Variants in CELF2 observed in about 807,000 individuals in gnomAD.
The protein encoded by CELF2 is CUG triplet repeat RNA-binding protein 2.
Under a neutral mutation model 62.6 loss-of-function variants are expected in CELF2, and 8 were observed. The observed-to-expected ratio is 0.13, with a 90% CI of 0.07 to 0.23. The LOEUF is 0.23. CELF2 is among the 10% of genes least tolerant of loss of function. The pLI is 1.00. For missense variants in CELF2, 333 were observed against 671.0 expected (o/e 0.50, Z 5.56); for synonymous variants, 258 against 250.0 (o/e 1.03, Z -0.30).
At chr10:10,525,937 C>G in the CELF2 span, among the ~76,000 whole-genome samples, 3 of 152,166 alleles carry the variant, frequency 2.0e-5, no homozygotes, top group African/African-American at 7.2e-5. Flanking sequence ...GTTTACATCC[C>G]CACCAACCAT....
chr10:10,988,568 A>G (rs1183484964), intron 2 of CELF2, among the ~76,000 whole-genome samples: 1 of 152,090 alleles, frequency 6.6e-6, no homozygotes, highest in Non-Finnish European at 1.5e-5. Flanking sequence ...TACAGTGTAG[A>G]CTGCTTGGAT....
chr10:10,875,214 CAGA>C (rs1591440447), intron 1 of CELF2, among the ~76,000 whole-genome samples: 1 of 152,282 alleles, frequency 6.6e-6, no homozygotes, highest in East Asian at 1.9e-4. Context: ...CAATTCCCAG[CAGA>C]AGTATAATTC....
intron 1 of CELF2, among the ~76,000 whole-genome samples, chr10:11,138,490 T>C (rs921457279): frequency 1.3e-5 from 2 of 152,224 alleles, no homozygotes; most frequent in Non-Finnish European, 1.5e-5. Flanking sequence ...GACAGACTTA[T>C]TTTATTCATT....
the CELF2 span, among the ~76,000 whole-genome samples, chr10:10,653,169 C>A: frequency 0.44 from 67,034 of 151,838 alleles, 15,190 homozygotes; most frequent in South Asian, 0.71. Context: ...AGAGCTAACT[C>A]TCCTAAATAT....
intron 2 of CELF2, among the ~76,000 whole-genome samples, chr10:10,979,947 GA>G (rs1300323677): frequency 2.6e-5 from 4 of 152,176 alleles, no homozygotes; most frequent in Non-Finnish European, 5.9e-5. Context: ...TTTATTTTAA[GA>G]AAGTCAAGGG....
chr10:11,171,322 C>A (rs927350963), intron 2 of CELF2: 1 of 152,204 alleles, frequency 6.6e-6, no homozygotes, highest in Non-Finnish European at 1.5e-5. Context: ...TCAGCCTCGT[C>A]TTGGTCAGGC....
At chr10:11,212,330 T>A (rs1412316470) in intron 2 of CELF2, among the ~76,000 whole-genome samples, 1 of 152,164 alleles carries the variant, frequency 6.6e-6, no homozygotes, top group Non-Finnish European at 1.5e-5. Context: ...AGATGCTCCC[T>A]GTGAGGCCCC....
the CELF2 span, among the ~76,000 whole-genome samples, chr10:10,746,684 G>A: frequency 1.3e-5 from 2 of 152,134 alleles, no homozygotes; most frequent in African/African-American, 2.4e-5. Context: ...TAGTCTCATA[G>A]ACGTAAAATC....
the CELF2 span, among the ~76,000 whole-genome samples, chr10:10,766,179 G>A: frequency 1.3e-5 from 2 of 152,188 alleles, no homozygotes; most frequent in Admixed American, 1.3e-4. Context: ...GGTGATGGAT[G>A]GTGAGAGGAG....
chr10:10,623,274 ATGT>A, the CELF2 span, among the ~76,000 whole-genome samples: 1 of 152,148 alleles, frequency 6.6e-6, no homozygotes, highest in Non-Finnish European at 1.5e-5. Context: ...AGAGCAGCGA[ATGT>A]GGGTAATCTG....
the CELF2 span, among the ~76,000 whole-genome samples, chr10:10,488,852 T>C: frequency 1.3e-5 from 2 of 152,086 alleles, no homozygotes; most frequent in Non-Finnish European, 2.9e-5. Context: ...AAAAACCGTA[T>C]AACCAATGCA....
At chr10:11,144,914 A>AAAAAAAAAAAAAAAG in intron 1 of CELF2, among the ~76,000 whole-genome samples, 1 of 149,988 alleles carries the variant, frequency 6.7e-6, no homozygotes, top group Non-Finnish European at 1.5e-5. Flanking sequence ...AAAAAAAAAA[A>AAAAAAAAAAAAAAAG]AAAAAAAAAG....
At chr10:10,590,141 G>A in the CELF2 span, among the ~76,000 whole-genome samples, 3 of 152,174 alleles carry the variant, frequency 2.0e-5, no homozygotes, top group Non-Finnish European at 1.5e-5. Flanking sequence ...TAGCAGGCAT[G>A]TGAGTGCACA....
At chr10:10,514,107 A>G in the CELF2 span, among the ~76,000 whole-genome samples, 2 of 152,232 alleles carry the variant, frequency 1.3e-5, no homozygotes, top group African/African-American at 4.8e-5. Flanking sequence ...TTTGCTAAGC[A>G]CACAGAACTC....
At chr10:10,738,837 G>A in the CELF2 span, among the ~76,000 whole-genome samples, 43 of 152,118 alleles carry the variant, frequency 2.8e-4, no homozygotes, top group Middle Eastern at 3.4e-3. Context: ...AAGAACATTC[G>A]GTAAAAACTA....
rs1387929698 is a variant in CELF2, at chr10:11,011,740, A to G, written c.53+6300A>G. On this transcript the variant is annotated intron_variant, in intron 1 of 12. Transcript: ENST00000416382. The surrounding 1 kb of genome is among the most constrained non-coding windows in gnomAD (Gnocchi z 4.6). ...CCACTTTTTCCTAAAGGCTTTGGGT[A>G]GTTCTTTTAAGAGAAAGAAAAAAAA... Among the ~76,000 whole-genome samples the G allele has an allele frequency of 6.6e-6, 1 of 151,984 alleles. No homozygotes were observed. Among genetic ancestry groups the G allele is most frequent in the Non-Finnish European group, 1.5e-5 (1 of 68,008 alleles).
chr10:10,968,629 T>G (rs1296047360), intron 2 of CELF2, among the ~76,000 whole-genome samples: 1 of 152,218 alleles, frequency 6.6e-6, no homozygotes, highest in African/African-American at 2.4e-5. Flanking sequence ...ATGTGCATTG[T>G]ATTCTAATTG....
At chr10:11,132,773 GA>G (rs2059811112) in intron 1 of CELF2, among the ~76,000 whole-genome samples, 1 of 152,320 alleles carries the variant, frequency 6.6e-6, no homozygotes, top group African/African-American at 2.4e-5. Flanking sequence ...GGGTATCATA[GA>G]AAGCAAAACA....
the CELF2 span, among the ~76,000 whole-genome samples, chr10:10,695,505 G>T: frequency 2.4e-3 from 359 of 151,066 alleles, no homozygotes; most frequent in African/African-American, 7.9e-3. Context: ...TCTTCTCGAG[G>T]AGTATCTTTG....
Sources: gnomAD v4.1 joint callset for allele counts (sites outside exome capture counted in the v4.1 genomes callset) on GRCh38, gnomAD v4.1.1 for gene constraint, Gnocchi (gnomAD v3.1) non-coding constraint, MANE v1.5 for transcripts, NCBI Gene and HGNC (gene_info 2026-07-23, HGNC 2026-07-21) for gene names.